The following CSTF3 variants were observed in gnomAD, a reference collection of about 807,000 sequenced individuals.
CSTF3 encodes CF-1 77 kDa subunit.
A neutral mutation model predicts 105.8 loss-of-function variants in CSTF3; 29 were observed. The ratio of observed to expected loss-of-function variants is 0.27; its 90% CI spans 0.20 to 0.37. CSTF3 has a LOEUF of 0.37. Among genes scored for constraint, CSTF3 ranks in the 10% least tolerant of loss-of-function variants. CSTF3 has a pLI of 1.00. For synonymous variants in CSTF3, 252 were observed against 281.9 expected, an observed-to-expected ratio of 0.89 and a Z score of 1.06; for missense variants, 357 against 879.3, an observed-to-expected ratio of 0.41 and a Z score of 7.51.
Position 33,115,237 on chromosome 11 carries a change from T to C in CSTF3, c.226-6819A>G, listed in dbSNP as rs181935448. Among the ~76,000 whole-genome samples the C allele has an allele frequency of 1.7e-4, 26 of 152,266 alleles. 1 individual carries two copies. In the East Asian group the frequency reaches 4.4e-3, roughly 26 times the overall value. On this transcript the variant is annotated intron_variant, in intron 3 of 20. Transcript: ENST00000323959. ...TGTCTGATTCTACTTGTATTAATTATCCAAAAAGCTTAGCCAAATCCTGAA... is the reference window on the plus strand; with the variant it reads ...TGTCTGATTCTACTTGTATTAATTACCCAAAAAGCTTAGCCAAATCCTGAA...
At chr11:33,138,309 T>C (rs1308207971) in intron 3 of CSTF3, among the ~76,000 whole-genome samples, 3 of 151,812 alleles carry the variant, frequency 2.0e-5, no homozygotes, top group African/African-American at 7.2e-5. Context: ...ATATTGTAGC[T>C]TACATGTTGT....
chr11:33,131,779 G>A (rs1329971508), intron 3 of CSTF3, among the ~76,000 whole-genome samples: 2 of 152,168 alleles, frequency 1.3e-5, no homozygotes, highest in Non-Finnish European at 1.5e-5. Flanking sequence ...GTGAACCCGG[G>A]AGGTGGAGCC....
chr11:33,093,772 A>G (rs764699662), intron 15 of CSTF3, among the ~76,000 whole-genome samples: 2 of 152,118 alleles, frequency 1.3e-5, no homozygotes, highest in Non-Finnish European at 2.9e-5. Context: ...CAGTGGCGCA[A>G]TATCAGCTCA....
intron 3 of CSTF3, among the ~76,000 whole-genome samples, chr11:33,126,601 A>T (rs1039099095): frequency 1.3e-5 from 2 of 151,832 alleles, no homozygotes; most frequent in East Asian, 1.9e-4. Context: ...AAATAAAGAC[A>T]TTTTTTTAAC....
rs189050383 is a variant in CSTF3 at position 33,098,553 on chromosome 11, T to A, written c.1128+137A>T. 7 of 561,726 alleles carry A rather than the reference T, an allele frequency of 1.2e-5. No homozygotes were observed. In the Admixed American group the frequency reaches 2.4e-4, roughly 19 times the overall value. The allele number at this position is 561,726 out of a possible 1,614,324, so 34.8% of individuals were successfully genotyped here. Reference sequence around the variant, plus strand: ...TTTTCTATCTTAATTGTGGTGGGGATCCCATACTCAATGTTATTTGTCAAG... The same window carrying A: ...TTTTCTATCTTAATTGTGGTGGGGAACCCATACTCAATGTTATTTGTCAAG... On this transcript the variant is annotated intron_variant, in intron 13 of 20. Coordinates refer to ENST00000323959, the MANE Select transcript of CSTF3 (RefSeq NM_001326.3).
chr11:33,085,128 G>T lies in CSTF3; in HGVS notation c.2113C>A (p.His705Asn). The stretch of plus-strand genomic sequence containing the variant: ...TGCTGCCGTGCTCTGTAAATGTCAT[G>T]AACAGGGGGGACAACGGCTCCCTTT... ...EEKGAVVPPV[H>N]DIYRARQQKR... is the part of the protein sequence containing the mutation. The change falls in exon 21 of 21, where the codon CAT (histidine) becomes AAT (asparagine). Residue 705 changes from histidine (H) to asparagine (N), a missense_variant. His to Asn is a moderately conservative substitution (Grantham distance 68, BLOSUM62 1). Coordinates refer to ENST00000323959, the MANE Select transcript of CSTF3 (RefSeq NM_001326.3). 3.7e-6 allele frequency: 6 copies of T among 1,614,156 alleles called. No homozygotes were observed. Among genetic ancestry groups the T allele is most frequent in the Non-Finnish European group, 5.1e-6 (6 of 1,180,020 alleles).
At chr11:33,104,964 G>A (rs1018131732) in intron 8 of CSTF3, among the ~76,000 whole-genome samples, 13 of 152,028 alleles carry the variant, frequency 8.6e-5, no homozygotes, top group African/African-American at 2.9e-4. Flanking sequence ...GCCCAGGCTG[G>A]TCTCAAACTA....
rs576147302 is a variant in CSTF3 at position 33,147,108 on chromosome 11, C to T, written c.28-5122G>A. Among the ~76,000 whole-genome samples, 13 of 150,650 alleles carry T rather than the reference C, an allele frequency of 8.6e-5. No homozygotes were observed. The South Asian group carries it at 1.9e-3, about 22-fold the overall frequency. ...AAGTTCAAGACCAGCCTGGGCAACA[C>T]AGTGAGACTCTGTCTCTACCAAAAC... On this transcript the variant is annotated intron_variant, in intron 1 of 20. Coordinates refer to ENST00000323959, the MANE Select transcript of CSTF3 (RefSeq NM_001326.3).
At position 33,102,143 on chromosome 11, in the gene CSTF3, G is replaced by A. The variant is rs779830256; in HGVS notation, c.826+34C>T. ...GGATACCAAGTGGCCTAACATACAT[G>A]TAACTGAAGTCCCATGAGGGTTAAT... On this transcript the variant is annotated intron_variant, in intron 10 of 20. Coordinates refer to ENST00000323959, the MANE Select transcript of CSTF3 (RefSeq NM_001326.3). The A allele has an allele frequency of 3.1e-6, 5 of 1,597,568 alleles. No individual in the cohort carries two copies. The East Asian group carries it at 8.9e-5, about 29-fold the overall frequency.
At chr11:33,131,466 T>G (rs2133792726) in intron 3 of CSTF3, among the ~76,000 whole-genome samples, 1 of 152,274 alleles carries the variant, frequency 6.6e-6, no homozygotes, top group Admixed American at 6.5e-5. Flanking sequence ...TATACTGTAT[T>G]TTAGATTTCT....
intron 1 of CSTF3, among the ~76,000 whole-genome samples, chr11:33,150,590 C>T (rs1025889095): frequency 3.9e-5 from 6 of 152,146 alleles, no homozygotes; most frequent in Non-Finnish European, 7.4e-5. Flanking sequence ...GGCACAGTGG[C>T]TCACGCCTAT....
Position 33,161,357 on chromosome 11 carries a change from C to T in CSTF3, c.-32G>A. On this transcript the variant is annotated 5_prime_UTR_variant, in exon 1 of 21. Coordinates refer to ENST00000323959, the MANE Select transcript of CSTF3 (RefSeq NM_001326.3). ...AGCTGATTACAACGTGCGCACTGAC[C>T]GTCGATGGGAAGCTAGAAAAGAAAA... 1 of 1,611,096 alleles carries T rather than the reference C, an allele frequency of 6.2e-7. No individual in the cohort carries two copies. The highest frequency in any genetic ancestry group is 8.5e-7 in the Non-Finnish European group (1 of 1,179,616).
rs538103891 is a variant in CSTF3 at position 33,099,298 on chromosome 11, C to T, written c.937-148G>A. 1.5e-5 allele frequency: 15 copies of T among 1,033,860 alleles called. No individual in the cohort carries two copies. In the African/African-American group the frequency reaches 1.8e-4, roughly 12 times the overall value. 64.0% of individuals were successfully genotyped at this position (1,033,860 alleles called of 1,614,324 possible). On this transcript the variant is annotated intron_variant, in intron 11 of 20. Coordinates refer to ENST00000323959, the MANE Select transcript of CSTF3 (RefSeq NM_001326.3). This position sits in a 1 kb window ranked among gnomAD's most constrained non-coding sequence, Gnocchi z 4.1. ...ACACATATATATGTATCCACACACA[C>T]ACATACATAAACACATATGCATTTC...
intron 3 of CSTF3, among the ~76,000 whole-genome samples, chr11:33,123,691 A>AT (rs1395102090): frequency 9.3e-5 from 14 of 150,218 alleles, no homozygotes; most frequent in East Asian, 1.9e-4. Context: ...TACTTTCTTA[A>AT]TAAAAAAAAG....
intron 1 of CSTF3, among the ~76,000 whole-genome samples, chr11:33,142,834 A>G (rs1205558746): frequency 6.6e-6 from 1 of 152,214 alleles, no homozygotes; most frequent in African/African-American, 2.4e-5. Flanking sequence ...AGGCAGCTGA[A>G]TTTTCACATC....
intron 13 of CSTF3, among the ~76,000 whole-genome samples, chr11:33,097,804 C>A (rs1161445283): frequency 2.6e-5 from 4 of 152,200 alleles, no homozygotes; most frequent in Non-Finnish European, 4.4e-5. Context: ...GTGTCCAGTA[C>A]ATCATGAGTA....
intron 5 of CSTF3, 127 bp downstream of exon 5, chr11:33,107,776 A>T: frequency 1.8e-6 from 1 of 561,236 alleles, no homozygotes; most frequent in South Asian, 2.8e-5. Context: ...ACTAATTCTT[A>T]GGAAATCCTG....
At chr11:33,120,992 T>C (rs553309094) in intron 3 of CSTF3, among the ~76,000 whole-genome samples, 1 of 152,026 alleles carries the variant, frequency 6.6e-6, no homozygotes, top group South Asian at 2.1e-4. Context: ...GAAGCTCTAA[T>C]ATGGATTTTG....
chr11:33,141,915 A>G lies in CSTF3; in HGVS notation c.99T>C (p.Asp33=). Residue 33 remains aspartate, a synonymous_variant, in exon 2 of 21, where the codon GAT becomes GAC. Coordinates refer to ENST00000323959, the MANE Select transcript of CSTF3 (RefSeq NM_001326.3). ...KKLEENPYDL[D]AWSILIREAQ... is the part of the protein sequence containing the mutation. ...CCTCTCGAATGAGAATGCTCCAAGCATCAAGGTCATATGGATTCTCTTCTA... is the reference window on the plus strand; with the variant it reads ...CCTCTCGAATGAGAATGCTCCAAGCGTCAAGGTCATATGGATTCTCTTCTA... 3 of 1,607,272 alleles carry G rather than the reference A, an allele frequency of 1.9e-6. No homozygotes were observed. The highest frequency in any genetic ancestry group is 2.5e-6 in the Non-Finnish European group (3 of 1,177,900).
Sources: allele counts gnomAD v4.1 joint callset (sites outside exome capture counted in the v4.1 genomes callset), GRCh38; gene constraint gnomAD v4.1.1; non-coding constraint Gnocchi (gnomAD v3.1); transcripts MANE v1.5; gene names NCBI Gene and HGNC (gene_info 2026-07-23, HGNC 2026-07-21).